Variants in ACOT12 observed in about 807,000 individuals in gnomAD.
ACOT12 encodes the protein acyl-CoA thioesterase 12.
Under a neutral mutation model 67.7 loss-of-function variants are expected in ACOT12, and 51 were observed. The observed-to-expected ratio is 0.75, with a 90% CI of 0.60 to 0.95. The LOEUF is 0.95. Ranked by LOEUF, ACOT12 falls within the 40% of genes least tolerant of loss-of-function variation. The pLI is 0.00. For synonymous variants in ACOT12, 251 were observed against 244.6 expected (o/e 1.03, Z -0.24); for missense variants, 734 against 708.1 (o/e 1.04, Z -0.41).
In ACOT12 at chr5:81,347,785, A is replaced by G. The variant is rs780849153; in HGVS notation, c.642T>C (p.Thr214=). The change falls in exon 6 of 15, where the codon ACT becomes ACC. Residue 214 remains threonine, a synonymous_variant. Coordinates refer to ENST00000307624, the MANE Select transcript of ACOT12 (RefSeq NM_130767.3). ...TCAAAACCAAGAACCTTGCAGAAATAGTAGCCACTGTCTCCATCCACGCCA... is the reference window on the plus strand; with the variant it reads ...TCAAAACCAAGAACCTTGCAGAAATGGTAGCCACTGTCTCCATCCACGCCA... ...QIMAWMETVA[T]ISASRLCWAH... 1 of 1,613,888 alleles carries G rather than the reference A, an allele frequency of 6.2e-7. No homozygotes were observed. Among genetic ancestry groups the G allele is most frequent in the South Asian group, 1.1e-5 (1 of 90,952 alleles).
At chr5:81,345,641 T>C (rs925636803) in intron 7 of ACOT12, among the ~76,000 whole-genome samples, 2 of 152,052 alleles carry the variant, frequency 1.3e-5, no homozygotes, top group African/African-American at 4.8e-5. Context: ...AACCAGGTCC[T>C]ACTTGGGCCA....
chr5:81,392,750 TAA>T (rs34394766), intron 1 of ACOT12, among the ~76,000 whole-genome samples: 24,890 of 147,898 alleles, frequency 0.17, 2,398 homozygotes, highest in Admixed American at 0.23. Flanking sequence ...CAAATCCTGT[TAA>T]AAAAAAAAAA....
At chr5:81,359,526 A>G (rs1241788323) in intron 5 of ACOT12, among the ~76,000 whole-genome samples, 1 of 152,214 alleles carries the variant, frequency 6.6e-6, no homozygotes, top group Non-Finnish European at 1.5e-5. Context: ...TTGAGATTAC[A>G]TGCAGCTCCT....
Position 81,347,808 on chromosome 5 carries a change from C to T in ACOT12, c.619G>A (p.Ala207Thr). The T allele has an allele frequency of 6.2e-7, 1 of 1,614,154 alleles. No homozygotes were observed. The highest frequency in any genetic ancestry group is 8.5e-7 in the Non-Finnish European group (1 of 1,180,022). ...HGNTFGGQIM[A>T]WMETVATISA... ...ATAGTAGCCACTGTCTCCATCCACG[C>T]CATAATCTGGCCACCAAATGTATTT... The change falls in exon 6 of 15, where the codon GCG becomes ACG. Residue 207 changes from alanine to threonine, a missense_variant. Physicochemically the swap from Ala to Thr is moderately conservative, Grantham distance 58. Coordinates refer to ENST00000307624, the MANE Select transcript of ACOT12 (RefSeq NM_130767.3).
intron 2 of ACOT12, among the ~76,000 whole-genome samples, chr5:81,378,282 T>C (rs560305759): frequency 2.0e-5 from 3 of 152,266 alleles, no homozygotes; most frequent in African/African-American, 4.8e-5. Flanking sequence ...TGGCTAGCCA[T>C]ATGCAGAAAA....
At chr5:81,361,761 A>G (rs74927799) in intron 4 of ACOT12, among the ~76,000 whole-genome samples, 4 of 152,202 alleles carry the variant, frequency 2.6e-5, no homozygotes, top group African/African-American at 9.7e-5. Flanking sequence ...AAGGCTTTGC[A>G]TGAGTGTACC....
the ACOT12 span, among the ~76,000 whole-genome samples, chr5:81,319,803 C>T: frequency 6.6e-6 from 1 of 150,956 alleles, no homozygotes; most frequent in African/African-American, 2.4e-5. Flanking sequence ...CCCACCCTAC[C>T]CTAAGCACCC....
chr5:81,366,836 A>G (rs1459335184), intron 3 of ACOT12, among the ~76,000 whole-genome samples: 2 of 152,212 alleles, frequency 1.3e-5, no homozygotes, highest in African/African-American at 4.8e-5. Context: ...AAAAGAAGCT[A>G]CACAGAATGT....
chr5:81,312,023 G>A, the ACOT12 span, among the ~76,000 whole-genome samples: 2 of 152,080 alleles, frequency 1.3e-5, no homozygotes, highest in South Asian at 4.2e-4. Context: ...ATTTAAATTT[G>A]AAAACCAAGA....
intron 2 of ACOT12, among the ~76,000 whole-genome samples, chr5:81,378,732 A>G (rs1402393592): frequency 1.3e-5 from 2 of 152,352 alleles, no homozygotes; most frequent in Non-Finnish European, 2.9e-5. Flanking sequence ...ATAAGAAAAA[A>G]AGCTCATCAT....
the ACOT12 span, among the ~76,000 whole-genome samples, chr5:81,320,779 C>T: frequency 5.3e-5 from 8 of 152,268 alleles, no homozygotes; most frequent in Non-Finnish European, 8.8e-5. Context: ...AAAATATAAA[C>T]AAGTATGCTT....
chr5:81,325,723 G>A (rs1758657939), downstream of ACOT12, among the ~76,000 whole-genome samples: 1 of 152,130 alleles, frequency 6.6e-6, no homozygotes, highest in Non-Finnish European at 1.5e-5. Flanking sequence ...AAATGAGAAA[G>A]GCATTTTTAA....
At chr5:81,348,653 C>T (rs1348006871) in intron 5 of ACOT12, among the ~76,000 whole-genome samples, 1 of 152,198 alleles carries the variant, frequency 6.6e-6, no homozygotes, top group Middle Eastern at 3.2e-3. Context: ...CAACCTCAGC[C>T]TCCCAGGTTC....
intron 5 of ACOT12, among the ~76,000 whole-genome samples, chr5:81,355,264 C>G (rs74866925): frequency 6.6e-6 from 1 of 152,160 alleles, no homozygotes; most frequent in South Asian, 2.1e-4. Context: ...TATGTAAGTA[C>G]CTTTATTATT....
In ACOT12 at chr5:81,344,160, C is replaced by A. The variant is rs1316521110; in HGVS notation, c.980G>T (p.Arg327Ile). ...AATCATTACACCTTATGTTCCTTAC[C>A]TGCCTAGGCGAATTCGCTTGCGTGC... ...AIARKRIRLG[R>I]KYVISHKEEV... is the part of the protein sequence containing the mutation. The change falls in exon 9 of 15, where the codon AGA becomes ATA. Residue 327 changes from arginine (R) to isoleucine (I), a missense_variant and splice_region_variant. Coordinates refer to ENST00000307624, the MANE Select transcript of ACOT12 (RefSeq NM_130767.3). The A allele has an allele frequency of 2.5e-6, 4 of 1,613,706 alleles. No homozygotes were observed. The East Asian group carries it at 8.9e-5, about 36-fold the overall frequency.
At chr5:81,363,187 T>G (rs1759971418) in intron 4 of ACOT12, among the ~76,000 whole-genome samples, 1 of 151,242 alleles carries the variant, frequency 6.6e-6, no homozygotes, top group Non-Finnish European at 1.5e-5. Flanking sequence ...GCCAAGAAAT[T>G]GTAAGGAGCA....
At chr5:81,356,291 G>A (rs1395671014) in intron 5 of ACOT12, among the ~76,000 whole-genome samples, 5 of 152,146 alleles carry the variant, frequency 3.3e-5, no homozygotes, top group East Asian at 3.8e-4. Flanking sequence ...TTCCTGGGAC[G>A]CAGTTGACCA....
intron 5 of ACOT12, among the ~76,000 whole-genome samples, chr5:81,358,988 T>C (rs910174969): frequency 1.3e-5 from 2 of 152,162 alleles, no homozygotes; most frequent in African/African-American, 4.8e-5. Context: ...TGGGGCAGAA[T>C]AAAGGCTTTG....
chr5:81,364,631 G>A (rs1254506595), intron 3 of ACOT12, among the ~76,000 whole-genome samples: 1 of 152,066 alleles, frequency 6.6e-6, no homozygotes, highest in Non-Finnish European at 1.5e-5. Context: ...ATTTCACCAT[G>A]TTGGCCAGGA....
Sources: allele counts gnomAD v4.1 joint callset (sites outside exome capture counted in the v4.1 genomes callset), GRCh38; gene constraint gnomAD v4.1.1; transcripts MANE v1.5; gene names NCBI Gene and HGNC (gene_info 2026-07-23, HGNC 2026-07-21).